Variants in MSR1 observed in about 807,000 individuals in gnomAD.
The protein encoded by MSR1 is macrophage scavenger receptor 1.
Under a neutral mutation model 47.2 loss-of-function variants are expected in MSR1, and 53 were observed. The ratio of observed to expected loss-of-function variants is 1.12; its 90% CI spans 0.90 to 1.41. The LOEUF (loss-of-function observed/expected upper bound fraction) is 1.41, where lower values mean the gene tolerates loss of function less well. Ranked by LOEUF, MSR1 falls within the 40% of genes most tolerant of loss-of-function variation. The pLI is 0.00. For missense variants in MSR1, 786 were observed against 546.9 expected, an observed-to-expected ratio of 1.44 and a Z score of -4.36; for synonymous variants, 239 against 185.6, an observed-to-expected ratio of 1.29 and a Z score of -2.34.
chr8:16,131,513 T>C (rs139915837), intron 8 of MSR1, among the ~76,000 whole-genome samples: 1,692 of 151,224 alleles, frequency 0.011, 44 homozygotes, highest in African/African-American at 0.039. Context: ...ATTTTTATTT[T>C]TGATGCAATT....
intron 9 of MSR1, among the ~76,000 whole-genome samples, chr8:16,118,641 G>A (rs570332419): frequency 6.6e-6 from 1 of 151,922 alleles, no homozygotes; most frequent in Non-Finnish European, 1.5e-5. Context: ...ATTACACCCC[G>A]CACTCCAGCC....
intron 1 of MSR1, among the ~76,000 whole-genome samples, chr8:16,182,854 G>C (rs1307635410): frequency 6.6e-6 from 1 of 152,066 alleles, no homozygotes; most frequent in African/African-American, 2.4e-5. Flanking sequence ...TGATTAAGAA[G>C]TATAATATGG....
intron 8 of MSR1, among the ~76,000 whole-genome samples, chr8:16,142,322 T>C (rs1194634902): frequency 6.6e-6 from 1 of 151,882 alleles, no homozygotes; most frequent in Non-Finnish European, 1.5e-5. Context: ...AGAGCGAGAC[T>C]CCATCTCAAA....
chr8:16,177,109 G>A (rs145344410), intron 2 of MSR1, among the ~76,000 whole-genome samples: 10 of 152,204 alleles, frequency 6.6e-5, no homozygotes, highest in African/African-American at 2.4e-4. Flanking sequence ...TTTAGCTGTT[G>A]TCGTAACCTG....
intron 2 of MSR1, 110 bp from the exon 3 acceptor site, chr8:16,175,410 A>C: frequency 1.1e-6 from 1 of 920,250 alleles, no homozygotes; most frequent in African/African-American, 1.7e-5. Context: ...ATTGGAATAA[A>C]AAAGAAGAAA....
chr8:16,112,977 C>T (rs1182376784), intron 9 of MSR1, among the ~76,000 whole-genome samples: 1 of 127,282 alleles, frequency 7.9e-6, no homozygotes, highest in African/African-American at 2.9e-5. Context: ...GACAGAGACT[C>T]ACTCCCTCTA....
In MSR1 at chr8:16,139,765, AAAAAAAAAAATATATATATATATAT is replaced by A. The variant is rs1449334069; in HGVS notation, c.1033+3768_1033+3792del. The A allele has an allele frequency of 5.0e-5, 8 of 161,556 alleles. No homozygotes were observed. In the African/African-American group the frequency reaches 6.2e-4, roughly 13 times the overall value. The allele number at this position is 161,556 out of a possible 1,614,324, so 10.0% of individuals were successfully genotyped here. ...CAAAACTTAAAAAAAAAAAAAAAAA[AAAAAAAAAAATATATATATATATAT>A]ATATATATATATATATATATATATA... On this transcript the variant is annotated intron_variant, in intron 8 of 9. Coordinates refer to ENST00000262101, the MANE Select transcript of MSR1 (RefSeq NM_138715.3).
intron 2 of MSR1, 27 bp downstream of exon 2, chr8:16,177,859 A>C (rs1230481860): frequency 6.3e-7 from 1 of 1,577,288 alleles, no homozygotes; most frequent in South Asian, 1.1e-5. Context: ...AACAACCTCC[A>C]TGGGCAGCCC....
intron 8 of MSR1, chr8:16,140,176 C>T (rs1027380104): frequency 3.0e-6 from 3 of 984,892 alleles, no homozygotes; most frequent in Non-Finnish European, 3.6e-6. Flanking sequence ...ATTATCAATA[C>T]TCATGACAGT....
At chr8:16,146,258 C>T (rs1211314514) in intron 7 of MSR1, among the ~76,000 whole-genome samples, 1 of 151,972 alleles carries the variant, frequency 6.6e-6, no homozygotes, top group Non-Finnish European at 1.5e-5. Context: ...ACCTTATAAC[C>T]ACTCATTAAC....
chr8:16,149,273 A>T (rs150481065), intron 7 of MSR1, among the ~76,000 whole-genome samples: 10 of 152,248 alleles, frequency 6.6e-5, no homozygotes, highest in South Asian at 4.1e-4. Context: ...CCATGTGTGC[A>T]TGGGTGGTTT....
chr8:16,183,375 A>G (rs946679014), intron 1 of MSR1, among the ~76,000 whole-genome samples: 2 of 151,770 alleles, frequency 1.3e-5, no homozygotes, highest in Non-Finnish European at 2.9e-5. Flanking sequence ...TTTTGTCCAC[A>G]TTATGTCACT....
intron 3 of MSR1, 152 bp downstream of exon 3, chr8:16,175,035 T>A (rs1269786132): frequency 1.5e-6 from 1 of 689,312 alleles, no homozygotes; most frequent in Non-Finnish European, 2.5e-6. Flanking sequence ...CGGAATCTGT[T>A]TTTTAACTTA....
At chr8:16,145,720 C>A (rs530855268) in intron 7 of MSR1, among the ~76,000 whole-genome samples, 3 of 152,048 alleles carry the variant, frequency 2.0e-5, no homozygotes, top group African/African-American at 7.2e-5. Context: ...TATAAAAAAA[C>A]AAACAAATGT....
rs532152478 is a variant in MSR1 at position 16,115,757 on chromosome 8, T to C, written c.1222+4661A>G. 1.4e-3 allele frequency among the ~76,000 whole-genome samples: 220 copies of C among 152,180 alleles called. 2 individuals carry two copies. Among genetic ancestry groups the C allele is most frequent in the South Asian group, 1.7e-3 (8 of 4,816 alleles). On this transcript the variant is annotated intron_variant, in intron 9 of 9. Transcript: ENST00000262101. ...CTTTGGGAGGCTGAGGCAGGAGGAT[T>C]GCTTGAGGCTAGGAGTTTTAGATGA...
chr8:16,133,586 A>T (rs556614778), intron 8 of MSR1, among the ~76,000 whole-genome samples: 2 of 152,290 alleles, frequency 1.3e-5, no homozygotes, highest in Non-Finnish European at 2.9e-5. Context: ...CAGGAAGTCA[A>T]CAAGAAAAAT....
chr8:16,166,367 T>C (rs1801310664), intron 4 of MSR1, among the ~76,000 whole-genome samples: 1 of 151,584 alleles, frequency 6.6e-6, no homozygotes. Context: ...TTCACTATGT[T>C]GGCCAGACTG....
intron 8 of MSR1, among the ~76,000 whole-genome samples, chr8:16,126,872 C>T (rs1475867002): frequency 6.6e-6 from 1 of 152,032 alleles, no homozygotes; most frequent in East Asian, 1.9e-4. Context: ...TATAATTTTG[C>T]ACAGTTTACT....
chr8:16,157,994 G>T (rs1414485093), intron 5 of MSR1, among the ~76,000 whole-genome samples: 3 of 151,828 alleles, frequency 2.0e-5, no homozygotes, highest in Non-Finnish European at 4.4e-5. Flanking sequence ...GTCACCTTTT[G>T]TTCGTAGTTT....
Sources: gnomAD v4.1 joint callset for allele counts (sites outside exome capture counted in the v4.1 genomes callset) on GRCh38, gnomAD v4.1.1 for gene constraint, MANE v1.5 for transcripts, NCBI Gene and HGNC (gene_info 2026-07-23, HGNC 2026-07-21) for gene names.